DCAF6: variants seen among roughly 807,000 people sequenced by gnomAD.
The protein encoded by DCAF6 is DDB1 and CUL4 associated factor 6.
In DCAF6, 54 loss-of-function variants were observed where a neutral mutation model predicts 125.1. The observed-to-expected ratio is 0.43, with a 90% CI of 0.35 to 0.54. The LOEUF is 0.54. DCAF6 is among the 20% of genes least tolerant of loss of function. The pLI, the probability that DCAF6 is intolerant of heterozygous loss-of-function variation, is 0.01. For synonymous variants in DCAF6, 371 were observed against 390.4 expected (o/e 0.95, Z 0.58); for missense variants, 934 against 1,161.7 (o/e 0.80, Z 2.85).
chr1:167,904,545 C>T, the DCAF6 span: 1 of 347,320 alleles, frequency 2.9e-6, no homozygotes, highest in Non-Finnish European at 5.2e-6. Flanking sequence ...ATAACTGCAA[C>T]TTCTTTAACT....
At chr1:167,886,368 G>A in the DCAF6 span, among the ~76,000 whole-genome samples, 1 of 152,124 alleles carries the variant, frequency 6.6e-6, no homozygotes, top group Non-Finnish European at 1.5e-5. Context: ...CAATGGAATG[G>A]AACAGATCCC....
chr1:167,894,314 G>A, the DCAF6 span, among the ~76,000 whole-genome samples: 1 of 152,176 alleles, frequency 6.6e-6, no homozygotes, highest in East Asian at 1.9e-4. Context: ...GGATGGTAGA[G>A]TTGAAAGGGC....
chr1:168,049,571 G>A (rs562192674), intron 16 of DCAF6, among the ~76,000 whole-genome samples: 16 of 148,280 alleles, frequency 1.1e-4, no homozygotes, highest in African/African-American at 3.5e-4. Context: ...CATATACTGG[G>A]TTAAGAAACG....
At chr1:167,919,635 C>G in the DCAF6 span, among the ~76,000 whole-genome samples, 11 of 152,142 alleles carry the variant, frequency 7.2e-5, no homozygotes, top group Middle Eastern at 0.01. Context: ...ATTAATAAAT[C>G]ATAAACTGTA....
At chr1:167,944,133 C>T (rs771531376) in intron 1 of DCAF6, among the ~76,000 whole-genome samples, 4 of 152,304 alleles carry the variant, frequency 2.6e-5, no homozygotes, top group Admixed American at 6.5e-5. Flanking sequence ...TGAGCCACCA[C>T]GCCCAGCCTG....
the DCAF6 span, among the ~76,000 whole-genome samples, chr1:167,906,371 A>G: frequency 1.3e-5 from 2 of 152,122 alleles, no homozygotes; most frequent in African/African-American, 4.8e-5. Flanking sequence ...GGTTTAAAAA[A>G]AAAAAGGGTA....
the DCAF6 span, among the ~76,000 whole-genome samples, chr1:167,912,506 G>A: frequency 6.6e-6 from 1 of 152,326 alleles, no homozygotes; most frequent in African/African-American, 2.4e-5. Flanking sequence ...AGGGCTTTGT[G>A]AATGACATGC....
upstream of DCAF6, among the ~76,000 whole-genome samples, chr1:167,932,261 C>T (rs1314321854): frequency 1.3e-5 from 2 of 151,968 alleles, no homozygotes; most frequent in Non-Finnish European, 2.9e-5. Context: ...GTTTATAAAT[C>T]ATTTATATAT....
chr1:168,075,596 A>T lies in DCAF6; in HGVS notation c.*161A>T, dbSNP rs1693709344. 1 of 590,450 alleles carries T rather than the reference A, an allele frequency of 1.7e-6. No homozygotes were observed. The highest frequency in any genetic ancestry group is 2.8e-6 in the Non-Finnish European group (1 of 351,502). 36.6% of individuals were successfully genotyped at this position (590,450 alleles called of 1,614,324 possible). On this transcript the variant is annotated 3_prime_UTR_variant, in exon 22 of 22. Transcript: ENST00000367840. The stretch of plus-strand genomic sequence containing the variant: ...ACATTGGTTTGGAATGATTGTGTGC[A>T]TGAATTTGGGAGATTGTATAAAACA...
the DCAF6 span, among the ~76,000 whole-genome samples, chr1:167,897,595 C>A: frequency 1 from 92 of 92 alleles, 46 homozygotes; most frequent in Non-Finnish European, 1. Flanking sequence ...GCAGTGCTAA[C>A]CAGAGATGTG....
upstream of DCAF6, chr1:167,935,720 C>T: frequency 1.3e-6 from 2 of 1,553,194 alleles, no homozygotes; most frequent in Non-Finnish European, 1.7e-6. Flanking sequence ...AGGAGCCATT[C>T]AGGGTCCATT....
chr1:167,880,312 G>T, the DCAF6 span: 71 of 1,041,330 alleles, frequency 6.8e-5, no homozygotes, highest in Admixed American at 5.1e-4. Context: ...TTCTCTACCC[G>T]TTGGAATTAG....
chr1:167,899,066 G>T, the DCAF6 span, among the ~76,000 whole-genome samples: 1 of 152,180 alleles, frequency 6.6e-6, no homozygotes, highest in East Asian at 1.9e-4. Flanking sequence ...GTTGGGTAAA[G>T]AAAGTGAGGG....
the DCAF6 span, among the ~76,000 whole-genome samples, chr1:167,900,102 C>G: frequency 1.1e-4 from 16 of 152,206 alleles, no homozygotes; most frequent in African/African-American, 3.9e-4. Flanking sequence ...AACCATTTCT[C>G]TCATTGCTTT....
chr1:167,869,579 T>C, the DCAF6 span, among the ~76,000 whole-genome samples: 1,736 of 152,290 alleles, frequency 0.011, 31 homozygotes, highest in African/African-American at 0.038. Context: ...GTAGTTAAAA[T>C]TCGACCCCTG....
At chr1:168,049,541 C>A (rs66950781) in intron 16 of DCAF6, among the ~76,000 whole-genome samples, 31,448 of 146,170 alleles carry the variant, frequency 0.22, 3,954 homozygotes, top group Admixed American at 0.38. Flanking sequence ...GGACTATAGG[C>A]GTGAGCCACC....
intron 13 of DCAF6, among the ~76,000 whole-genome samples, chr1:168,040,504 A>G (rs1017693949): frequency 2.0e-5 from 3 of 151,568 alleles, no homozygotes; most frequent in Non-Finnish European, 4.4e-5. Flanking sequence ...AAAAAAAGTG[A>G]TGGGATTCTA....
At chr1:168,008,637 A>G (rs1326456977) in intron 10 of DCAF6, among the ~76,000 whole-genome samples, 1 of 152,056 alleles carries the variant, frequency 6.6e-6, no homozygotes, top group Non-Finnish European at 1.5e-5. Flanking sequence ...TCCTAATTGC[A>G]TTTGGAAATA....
chr1:167,893,029 G>A, the DCAF6 span, among the ~76,000 whole-genome samples: 3 of 152,188 alleles, frequency 2.0e-5, no homozygotes, highest in Non-Finnish European at 4.4e-5. Flanking sequence ...CTGGCATATG[G>A]TGAGTGATAA....
Sources: allele counts gnomAD v4.1 joint callset (sites outside exome capture counted in the v4.1 genomes callset), GRCh38; gene constraint gnomAD v4.1.1; transcripts MANE v1.5; gene names NCBI Gene and HGNC (gene_info 2026-07-23, HGNC 2026-07-21).